Variants in KIAA1328 observed in about 807,000 individuals in gnomAD.
KIAA1328 encodes protein hinderin.
In KIAA1328, 52 loss-of-function variants were observed where a neutral mutation model predicts 68.1. The observed-to-expected ratio is 0.76, with a 90% confidence interval of 0.61 to 0.96. The LOEUF is 0.96. KIAA1328 is among the 40% of genes least tolerant of loss of function. KIAA1328 has a pLI of 0.00. For synonymous variants in KIAA1328, 232 were observed against 239.4 expected, an observed-to-expected ratio of 0.97 and a Z score of 0.28; for missense variants, 641 against 677.6, an observed-to-expected ratio of 0.95 and a Z score of 0.60.
rs745940440 is a variant in KIAA1328, at chr18:37,034,096, G to C, written c.577-32794G>C. 3.3e-5 allele frequency among the ~76,000 whole-genome samples: 5 copies of C among 152,228 alleles called. No individual in the cohort carries two copies. In the South Asian group the frequency reaches 1.0e-3, roughly 32 times the overall value. On this transcript the variant is annotated intron_variant, in intron 6 of 9. Coordinates refer to ENST00000280020, the MANE Select transcript of KIAA1328 (RefSeq NM_020776.3). ...CTCATTGAAACCATCTTTTAAATGT[G>C]TTGAATTTTAGCATACAAATTTAGT...
intron 6 of KIAA1328, among the ~76,000 whole-genome samples, chr18:37,061,907 A>G (rs1000864748): frequency 6.6e-6 from 1 of 152,184 alleles, no homozygotes; most frequent in African/African-American, 2.4e-5. Context: ...TGCAGTGCAT[A>G]CAGAGTGATA....
chr18:37,185,479 T>C (rs1433141822), intron 9 of KIAA1328, among the ~76,000 whole-genome samples: 1 of 152,158 alleles, frequency 6.6e-6, no homozygotes, highest in Non-Finnish European at 1.5e-5. Flanking sequence ...AAAACATGAC[T>C]GTGTATTAAT....
chr18:36,972,068 G>A (rs1392761092), intron 6 of KIAA1328, among the ~76,000 whole-genome samples: 1 of 152,162 alleles, frequency 6.6e-6, no homozygotes, highest in Non-Finnish European at 1.5e-5. Context: ...CATAAGAATG[G>A]ATATATTAAT....
chr18:36,900,223 A>T (rs1337817958), intron 5 of KIAA1328, among the ~76,000 whole-genome samples: 1 of 152,012 alleles, frequency 6.6e-6, no homozygotes, highest in South Asian at 2.1e-4. Flanking sequence ...TAAAATGTTG[A>T]TAATTTTACA....
chr18:37,224,352 G>A lies in KIAA1328; in HGVS notation c.*2125G>A. The A allele has an allele frequency of 1.0e-6, 1 of 985,372 alleles. No homozygotes were observed. The highest frequency in any genetic ancestry group is 1.2e-6 in the Non-Finnish European group (1 of 829,934). The allele number at this position is 985,372 out of a possible 1,614,324, so 61.0% of individuals were successfully genotyped here. On this transcript the variant is annotated 3_prime_UTR_variant, in exon 10 of 10. Transcript: ENST00000280020. ...TTTTTGGGGGTCACAGCCACAGAGT[G>A]GAGTTTTATTGCTTCTTTGCCTCTC...
chr18:36,829,999 C>T (rs1394811141), intron 1 of KIAA1328, among the ~76,000 whole-genome samples: 2 of 152,188 alleles, frequency 1.3e-5, no homozygotes, highest in East Asian at 1.9e-4. Flanking sequence ...TGATAATTTA[C>T]TTCACGTTCC....
intron 6 of KIAA1328, among the ~76,000 whole-genome samples, chr18:36,980,493 G>A (rs1452383099): frequency 6.6e-6 from 1 of 152,200 alleles, no homozygotes; most frequent in Non-Finnish European, 1.5e-5. Context: ...ATACCAGAGA[G>A]CAGTGGCATG....
chr18:37,175,893 AGAT>A (rs2059589353), intron 9 of KIAA1328, among the ~76,000 whole-genome samples: 1 of 152,200 alleles, frequency 6.6e-6, no homozygotes, highest in Non-Finnish European at 1.5e-5. Flanking sequence ...GGGGTGAGAC[AGAT>A]GCCAGTGGGA....
At chr18:37,066,397 A>G (rs1316593570) in intron 6 of KIAA1328, among the ~76,000 whole-genome samples, 2 of 152,258 alleles carry the variant, frequency 1.3e-5, no homozygotes, top group Non-Finnish European at 2.9e-5. Context: ...AAAGATAGTT[A>G]TAAAACCTCA....
chr18:36,913,981 A>C (rs1288101180), intron 5 of KIAA1328, among the ~76,000 whole-genome samples: 1 of 152,032 alleles, frequency 6.6e-6, no homozygotes, highest in Non-Finnish European at 1.5e-5. Context: ...AGTAGATTTG[A>C]GTTTTTTTCA....
intron 5 of KIAA1328, among the ~76,000 whole-genome samples, chr18:36,940,292 A>G (rs1431442181): frequency 1.3e-5 from 2 of 152,200 alleles, no homozygotes; most frequent in Non-Finnish European, 2.9e-5. Context: ...AATCGAATCC[A>G]CATCTAGAGT....
chr18:36,912,893 T>G (rs964572364), intron 5 of KIAA1328, among the ~76,000 whole-genome samples: 1 of 152,168 alleles, frequency 6.6e-6, no homozygotes, highest in Non-Finnish European at 1.5e-5. Context: ...AACGATGGGA[T>G]AGCAATTATA....
intron 7 of KIAA1328, among the ~76,000 whole-genome samples, chr18:37,114,498 A>G (rs1283069144): frequency 6.6e-6 from 1 of 152,248 alleles, no homozygotes. Flanking sequence ...TCTCTGGGAC[A>G]CATTTAAAGC....
intron 6 of KIAA1328, among the ~76,000 whole-genome samples, chr18:37,003,104 C>T (rs1261757259): frequency 6.6e-6 from 1 of 151,984 alleles, no homozygotes; most frequent in East Asian, 1.9e-4. Context: ...AAAACATTCT[C>T]TTCAAAAGTA....
chr18:37,169,338 TG>T (rs1382024655), intron 8 of KIAA1328, among the ~76,000 whole-genome samples: 1 of 152,012 alleles, frequency 6.6e-6, no homozygotes, highest in Non-Finnish European at 1.5e-5. Flanking sequence ...GCTAATTTTT[TG>T]TATTTTTAGT....
At chr18:36,858,804 C>T (rs898104477) in intron 4 of KIAA1328, among the ~76,000 whole-genome samples, 3 of 152,198 alleles carry the variant, frequency 2.0e-5, no homozygotes, top group Non-Finnish European at 4.4e-5. Context: ...TTCCATCACA[C>T]ATGATGCATC....
At chr18:37,127,583 A>G (rs2058423206) in intron 7 of KIAA1328, among the ~76,000 whole-genome samples, 1 of 152,100 alleles carries the variant, frequency 6.6e-6, no homozygotes, top group Admixed American at 6.6e-5. Context: ...ATTTAAAAAG[A>G]ACCCCTGAAT....
intron 6 of KIAA1328, among the ~76,000 whole-genome samples, chr18:37,033,686 G>C (rs2054919064): frequency 6.6e-6 from 1 of 152,152 alleles, no homozygotes; most frequent in Non-Finnish European, 1.5e-5. Context: ...AGGCTTCTGT[G>C]CTGATTACTC....
At chr18:37,025,692 C>T (rs2054543944) in intron 6 of KIAA1328, among the ~76,000 whole-genome samples, 1 of 152,166 alleles carries the variant, frequency 6.6e-6, no homozygotes, top group Non-Finnish European at 1.5e-5. Flanking sequence ...AAAGACAAAA[C>T]ATACCAGAAT....
Sources: gnomAD v4.1 joint callset for allele counts (sites outside exome capture counted in the v4.1 genomes callset) on GRCh38, gnomAD v4.1.1 for gene constraint, MANE v1.5 for transcripts, NCBI Gene and HGNC (gene_info 2026-07-23, HGNC 2026-07-21) for gene names.